ITGB3: variants seen among roughly 807,000 people sequenced by gnomAD.
ITGB3 encodes the protein integrin beta-3.
A neutral mutation model predicts 85.8 loss-of-function variants in ITGB3; 48 were observed. The ratio of observed to expected loss-of-function variants is 0.56; its 90% confidence interval spans 0.44 to 0.71. ITGB3 has a LOEUF of 0.71. Ranked by LOEUF, ITGB3 falls within the 30% of genes least tolerant of loss-of-function variation. ITGB3 has a pLI of 0.00. For missense variants in ITGB3, 861 were observed against 1,019.1 expected (o/e 0.84, Z 2.11); for synonymous variants, 363 against 395.6 (o/e 0.92, Z 0.98).
At chr17:47,287,911 CTTTTT>C (rs60463106) in intron 6 of ITGB3, among the ~76,000 whole-genome samples, 4 of 55,388 alleles carry the variant, frequency 7.2e-5, no homozygotes, top group African/African-American at 2.4e-4. Context: ...ACCACCCCTG[CTTTTT>C]TTTTTTTTTT....
chr17:47,308,722 G>T (rs910978872), intron 14 of ITGB3, among the ~76,000 whole-genome samples: 1 of 152,018 alleles, frequency 6.6e-6, no homozygotes, highest in African/African-American at 2.4e-5. Context: ...GGCTGGTCTC[G>T]AACTCCTGAC....
At chr17:47,303,733 A>G (rs1252363345) in intron 13 of ITGB3, 1 of 152,220 alleles carries the variant, frequency 6.6e-6, no homozygotes, top group East Asian at 1.9e-4. Flanking sequence ...TCACCAACCA[A>G]TGCTGTCGAT....
At chr17:47,288,646 C>T (rs1481328467) in intron 6 of ITGB3, among the ~76,000 whole-genome samples, 2 of 152,156 alleles carry the variant, frequency 1.3e-5, no homozygotes, top group East Asian at 1.9e-4. Context: ...ACCACCGCCC[C>T]CGCACAGTGT....
intron 7 of ITGB3, 131 bp from the exon 8 acceptor site, chr17:47,290,054 C>A: frequency 1.2e-6 from 1 of 808,024 alleles, no homozygotes; most frequent in Non-Finnish European, 2.2e-6. Flanking sequence ...ATATTCCTGG[C>A]AGTGACAATT....
chr17:47,260,094 C>G (rs1233259767), intron 1 of ITGB3, among the ~76,000 whole-genome samples: 1 of 150,982 alleles, frequency 6.6e-6, no homozygotes, highest in Non-Finnish European at 1.5e-5. Context: ...GTGTGTATTC[C>G]TTTACTTAAA....
chr17:47,307,197 G>A (rs145983005), intron 13 of ITGB3, among the ~76,000 whole-genome samples: 311 of 151,836 alleles, frequency 2.0e-3, no homozygotes, highest in African/African-American at 7.0e-3. Flanking sequence ...TCTTCTTTGT[G>A]TTTAATTTTT....
intron 14 of ITGB3, among the ~76,000 whole-genome samples, chr17:47,308,698 C>T (rs978526303): frequency 3.9e-5 from 6 of 152,092 alleles, no homozygotes; most frequent in Non-Finnish European, 2.9e-5. Flanking sequence ...GACGGGGTTT[C>T]ACCATGTTGG....
chr17:47,262,462 C>G (rs1055978844), intron 1 of ITGB3, among the ~76,000 whole-genome samples: 1 of 152,136 alleles, frequency 6.6e-6, no homozygotes, highest in Non-Finnish European at 1.5e-5. Flanking sequence ...GCCACTTGTG[C>G]CTTGTTTGAG....
At chr17:47,283,588 G>T (rs556950493) in intron 3 of ITGB3, 39 bp downstream of exon 3, 2 of 1,596,214 alleles carry the variant, frequency 1.3e-6, no homozygotes, top group Admixed American at 1.7e-5. Context: ...ACCTGAAGCA[G>T]GTGGGCATAG....
In ITGB3 at chr17:47,263,106, G is replaced by A. The variant is rs2065014071; in HGVS notation, c.79+9166G>A. Among the ~76,000 whole-genome samples, 4 of 152,288 alleles carry A rather than the reference G, an allele frequency of 2.6e-5. No homozygotes were observed. The South Asian group carries it at 8.3e-4, about 32-fold the overall frequency. On this transcript the variant is annotated intron_variant, in intron 1 of 14. Coordinates refer to ENST00000559488, the MANE Select transcript of ITGB3 (RefSeq NM_000212.3). Reference sequence around the variant, plus strand: ...ATGTACTTGAGGTCATACGGCCAGAGGAAGGGCAAAGATGGCTTTAGACGT... The same window carrying A: ...ATGTACTTGAGGTCATACGGCCAGAAGAAGGGCAAAGATGGCTTTAGACGT...
chr17:47,263,255 ACT>A (rs1482235829), intron 1 of ITGB3, among the ~76,000 whole-genome samples: 16 of 151,854 alleles, frequency 1.1e-4, no homozygotes, highest in African/African-American at 9.7e-5. Context: ...AGAAGACAGG[ACT>A]CTGTCCCTGG....
chr17:47,274,831 G>C (rs1320434646), intron 2 of ITGB3, among the ~76,000 whole-genome samples: 1 of 152,096 alleles, frequency 6.6e-6, no homozygotes, highest in East Asian at 1.9e-4. Context: ...TTTTTTGGTA[G>C]AGACAGGGTC....
rs2065214386 is a variant in ITGB3 at position 47,311,461 on chromosome 17, TCTTAA to T, written c.*1263_*1267del. On this transcript the variant is annotated 3_prime_UTR_variant, in exon 15 of 15. Transcript: ENST00000559488. ...TTTTATTTTTCTCATGATGAGGTTT[TCTTAA>T]CTTAAAAGAACATGTATATAAACAT... 1.3e-5 allele frequency: 2 copies of T among 152,764 alleles called. No individual in the cohort carries two copies. Among genetic ancestry groups the T allele is most frequent in the Admixed American group, 1.3e-4 (2 of 15,302 alleles). 9.5% of individuals were successfully genotyped at this position (152,764 alleles called of 1,614,324 possible).
chr17:47,290,373 C>T (rs758818172), intron 8 of ITGB3, 99 bp downstream of exon 8: 164 of 991,744 alleles, frequency 1.7e-4, no homozygotes, highest in Middle Eastern at 6.0e-4. Flanking sequence ...CAGTCTACCA[C>T]ACGGTCTTAC....
intron 4 of ITGB3, 119 bp from the exon 5 acceptor site, chr17:47,286,141 T>G: frequency 8.9e-7 from 1 of 1,129,898 alleles, no homozygotes; most frequent in Non-Finnish European, 1.3e-6. Flanking sequence ...GTAACTGTGG[T>G]TGTATGGAAC....
chr17:47,258,663 G>A (rs904973452), intron 1 of ITGB3, among the ~76,000 whole-genome samples: 1 of 151,564 alleles, frequency 6.6e-6, no homozygotes, highest in East Asian at 1.9e-4. Context: ...GGCTGGTCTC[G>A]AACTTCTGAG....
intron 1 of ITGB3, among the ~76,000 whole-genome samples, chr17:47,272,006 C>T (rs1480348112): frequency 2.6e-5 from 4 of 151,096 alleles, no homozygotes; most frequent in Non-Finnish European, 4.4e-5. Context: ...CTACCTGCCT[C>T]GGCCTCCCAA....
At chr17:47,286,938 A>T (rs1454976141) in intron 5 of ITGB3, 132 bp from the exon 6 acceptor site, 12 of 834,436 alleles carry the variant, frequency 1.4e-5, no homozygotes, top group Admixed American at 4.4e-5. Flanking sequence ...TGGGACTGAG[A>T]CCCTTGTTTT....
At chr17:47,305,053 C>T (rs1457847455) in intron 13 of ITGB3, among the ~76,000 whole-genome samples, 3 of 152,178 alleles carry the variant, frequency 2.0e-5, no homozygotes, top group African/African-American at 4.8e-5. Flanking sequence ...GGAAACCCAC[C>T]CCAAACTCCT....
Sources: gnomAD v4.1 joint callset for allele counts (sites outside exome capture counted in the v4.1 genomes callset) on GRCh38, gnomAD v4.1.1 for gene constraint, MANE v1.5 for transcripts, NCBI Gene and HGNC (gene_info 2026-07-23, HGNC 2026-07-21) for gene names.